Variants in BBS9 observed in about 807,000 individuals in gnomAD.
BBS9 encodes Bardet-Biedl syndrome 9.
In BBS9, 89 loss-of-function variants were observed where a neutral mutation model predicts 117.7. The ratio of observed to expected loss-of-function variants is 0.76; its 90% CI spans 0.64 to 0.90. The LOEUF is 0.90. BBS9 is among the 40% of genes least tolerant of loss of function. The pLI is 0.00. For synonymous variants in BBS9, 379 were observed against 370.9 expected (o/e 1.02, Z -0.25); for missense variants, 982 against 1,042.2 (o/e 0.94, Z 0.80).
intron 9 of BBS9, among the ~76,000 whole-genome samples, chr7:33,285,404 G>A (rs1183976797): frequency 6.6e-6 from 1 of 152,060 alleles, no homozygotes; most frequent in Non-Finnish European, 1.5e-5. Flanking sequence ...GGGGATGAAG[G>A]AACAGAATTA....
rs114009335 is a variant in BBS9, at chr7:33,589,608, T to C, written c.2522-15257T>C. On this transcript the variant is annotated intron_variant, in intron 21 of 22. Transcript: ENST00000242067. ...GTGAGAGGAAGAAGGGAATTTAGAATGACTCTAGTAGTTTTGGCTCGAGAC... is the reference window on the plus strand; with the variant it reads ...GTGAGAGGAAGAAGGGAATTTAGAACGACTCTAGTAGTTTTGGCTCGAGAC... Among the ~76,000 whole-genome samples the C allele has an allele frequency of 4.0e-3, 609 of 152,176 alleles. 2 individuals carry two copies. The highest frequency in any genetic ancestry group is 0.014 in the African/African-American group (582 of 41,542).
At chr7:33,591,160 TAAA>T (rs1585391512) in intron 21 of BBS9, among the ~76,000 whole-genome samples, 2 of 151,942 alleles carry the variant, frequency 1.3e-5, no homozygotes, top group African/African-American at 2.4e-5. Flanking sequence ...ACTTTTTTTT[TAAA>T]GGCTGTATTT....
intron 20 of BBS9, among the ~76,000 whole-genome samples, chr7:33,524,219 TTG>T (rs1430318911): frequency 6.6e-6 from 1 of 151,078 alleles, no homozygotes; most frequent in African/African-American, 2.4e-5. Context: ...TCTTTTTTGG[TTG>T]TGTCTCTGCC....
At chr7:33,634,958 C>T (rs1040469748) in intron 21 of BBS9, among the ~76,000 whole-genome samples, 7 of 152,290 alleles carry the variant, frequency 4.6e-5, no homozygotes, top group Admixed American at 2.6e-4. Context: ...GTGCCTGTCA[C>T]GGGCAGTTGA....
intron 21 of BBS9, among the ~76,000 whole-genome samples, chr7:33,594,257 A>G (rs1220006795): frequency 6.6e-6 from 1 of 152,146 alleles, no homozygotes; most frequent in Non-Finnish European, 1.5e-5. Context: ...GGGTACATGC[A>G]TAGTCTTAAA....
Position 33,630,176 on chromosome 7 carries a change from C to T in BBS9, c.2522-5001C>T, listed in dbSNP as rs148222647. 1.9e-3 allele frequency among the ~76,000 whole-genome samples: 286 copies of T among 152,136 alleles called. 1 individual carries two copies. Among genetic ancestry groups the T allele is most frequent in the Middle Eastern group, 0.01 (3 of 294 alleles). On this transcript the variant is annotated intron_variant, in intron 21 of 21. Coordinates refer to the BBS9 transcript ENST00000671952. ...AAATAATGATTAAAACACACAGAAA[C>T]GAGACATAAGCAAAGCAAAACAGAT...
At chr7:33,405,027 C>A (rs921160017) in intron 19 of BBS9, among the ~76,000 whole-genome samples, 1 of 152,122 alleles carries the variant, frequency 6.6e-6, no homozygotes, top group Non-Finnish European at 1.5e-5. Flanking sequence ...CCATCAATAC[C>A]GAACTTATTG....
chr7:33,474,609 G>A (rs1841540186), intron 19 of BBS9, among the ~76,000 whole-genome samples: 2 of 152,118 alleles, frequency 1.3e-5, no homozygotes. Context: ...AGAGGAAAAA[G>A]GAGTACATCT....
chr7:33,597,573 A>G (rs1863059706), intron 21 of BBS9, among the ~76,000 whole-genome samples: 1 of 152,194 alleles, frequency 6.6e-6, no homozygotes, highest in South Asian at 2.1e-4. Flanking sequence ...GTCTTCAAAT[A>G]TACCCACAGA....
chr7:33,155,524 T>G, intron 3 of BBS9, 114 bp from the exon 4 acceptor site: 1 of 685,548 alleles, frequency 1.5e-6, no homozygotes. Flanking sequence ...AATGAATTGT[T>G]TTGTTTACTC....
chr7:33,235,876 C>G (rs1793385641), intron 5 of BBS9, among the ~76,000 whole-genome samples: 1 of 152,070 alleles, frequency 6.6e-6, no homozygotes, highest in Non-Finnish European at 1.5e-5. Context: ...TGTAAACAAT[C>G]TTTTTACTTT....
chr7:33,180,010 C>G (rs1295566606), intron 5 of BBS9, among the ~76,000 whole-genome samples: 1 of 152,114 alleles, frequency 6.6e-6, no homozygotes, highest in African/African-American at 2.4e-5. Flanking sequence ...CATCTGTTCC[C>G]CTGGTCACCT....
intron 21 of BBS9, among the ~76,000 whole-genome samples, chr7:33,567,018 G>A (rs528438099): frequency 3.5e-4 from 53 of 152,310 alleles, no homozygotes; most frequent in Middle Eastern, 6.8e-3. Context: ...AAAGGAAAGG[G>A]AGATAGGAAT....
intron 21 of BBS9, among the ~76,000 whole-genome samples, chr7:33,540,979 G>A (rs1038563254): frequency 1.3e-5 from 2 of 152,124 alleles, no homozygotes; most frequent in African/African-American, 2.4e-5. Flanking sequence ...AATGAGACAG[G>A]TTTCCTCATA....
chr7:33,388,217 G>C, intron 19 of BBS9, 73 bp downstream of exon 19: 1 of 1,519,240 alleles, frequency 6.6e-7, no homozygotes, highest in African/African-American at 1.4e-5. Context: ...TCATGTACCA[G>C]AATATCCAAG....
intron 16 of BBS9, among the ~76,000 whole-genome samples, chr7:33,362,518 A>G (rs1197820392): frequency 6.6e-6 from 1 of 152,190 alleles, no homozygotes; most frequent in Non-Finnish European, 1.5e-5. Flanking sequence ...TTTTCAGACT[A>G]TCCTTTTCCA....
At chr7:33,131,740 A>C (rs1789645907) in intron 1 of BBS9, among the ~76,000 whole-genome samples, 1 of 152,252 alleles carries the variant, frequency 6.6e-6, no homozygotes, top group Non-Finnish European at 1.5e-5. Flanking sequence ...AGCCTGGGCA[A>C]CATAGTGAGA....
intron 7 of BBS9, among the ~76,000 whole-genome samples, chr7:33,267,415 C>G (rs1799013529): frequency 1.3e-5 from 2 of 151,806 alleles, no homozygotes; most frequent in African/African-American, 4.8e-5. Context: ...ATATGTCTGT[C>G]TAGTTTTTTT....
intron 5 of BBS9, among the ~76,000 whole-genome samples, chr7:33,191,188 T>C (rs967392920): frequency 2.0e-5 from 3 of 152,162 alleles, no homozygotes; most frequent in African/African-American, 7.2e-5. Flanking sequence ...TTTTACATGC[T>C]CAGGGTTTGT....
Sources: gnomAD v4.1 joint callset for allele counts (sites outside exome capture counted in the v4.1 genomes callset) on GRCh38, gnomAD v4.1.1 for gene constraint, MANE v1.5 for transcripts, NCBI Gene and HGNC (gene_info 2026-07-23, HGNC 2026-07-21) for gene names.